CCSER1: variants seen among roughly 807,000 people sequenced by gnomAD.
The protein encoded by CCSER1 is coiled-coil serine rich protein 1.
Under a neutral mutation model 82.0 loss-of-function variants are expected in CCSER1, and 41 were observed. The ratio of observed to expected loss-of-function variants is 0.50; its 90% CI spans 0.39 to 0.65. CCSER1 has a LOEUF of 0.65. Ranked by LOEUF, CCSER1 falls within the 30% of genes least tolerant of loss-of-function variation. The pLI, the probability that CCSER1 is intolerant of heterozygous loss-of-function variation, is 0.00. For missense variants in CCSER1, 1,119 were observed against 1,064.2 expected, an observed-to-expected ratio of 1.05 and a Z score of -0.72; for synonymous variants, 414 against 383.9, an observed-to-expected ratio of 1.08 and a Z score of -0.92.
At chr4:90,486,603 C>T (rs1020369840) in intron 5 of CCSER1, among the ~76,000 whole-genome samples, 7 of 152,184 alleles carry the variant, frequency 4.6e-5, no homozygotes, top group Non-Finnish European at 1.0e-4. Context: ...CTCATTTCTA[C>T]TTTCTAGGTT....
chr4:90,552,217 C>T (rs1777603950), intron 5 of CCSER1, among the ~76,000 whole-genome samples: 1 of 152,092 alleles, frequency 6.6e-6, no homozygotes, highest in Non-Finnish European at 1.5e-5. Flanking sequence ...AATCATAGCA[C>T]CATTGTATCC....
chr4:90,253,642 CT>C (rs942906775), intron 1 of CCSER1, among the ~76,000 whole-genome samples: 1 of 152,080 alleles, frequency 6.6e-6, no homozygotes, highest in African/African-American at 2.4e-5. Flanking sequence ...TTGTTGTTCA[CT>C]TGTTTATCTG....
chr4:91,581,026 T>C (rs1005318392), intron 10 of CCSER1, among the ~76,000 whole-genome samples: 1 of 151,736 alleles, frequency 6.6e-6, no homozygotes, highest in Non-Finnish European at 1.5e-5. Context: ...TATGCTTCAC[T>C]ACCTAAAATT....
intron 3 of CCSER1, among the ~76,000 whole-genome samples, chr4:90,361,172 C>G (rs1324310077): frequency 6.6e-6 from 1 of 152,028 alleles, no homozygotes; most frequent in Non-Finnish European, 1.5e-5. Flanking sequence ...TAAACATATA[C>G]GATGGTTTCT....
chr4:90,795,287 C>G lies in CCSER1; in HGVS notation c.2011-20475C>G, dbSNP rs1309235834. Among the ~76,000 whole-genome samples, 18 of 127,610 alleles carry G rather than the reference C, an allele frequency of 1.4e-4. 1 individual carries two copies. In the South Asian group the frequency reaches 4.2e-3, roughly 30 times the overall value. The allele number at this position is 127,610 out of a possible 152,430, so 83.7% of individuals were successfully genotyped here. On this transcript the variant is annotated intron_variant, in intron 7 of 10. Transcript: ENST00000509176. ...GGGCAACAAGGGCAAAACTCTGTCTCAAAAAAAAAAAAAAAAAGGAAACAA... is the reference window on the plus strand; with the variant it reads ...GGGCAACAAGGGCAAAACTCTGTCTGAAAAAAAAAAAAAAAAAGGAAACAA...
At chr4:91,107,214 G>A (rs1226610982) in intron 10 of CCSER1, among the ~76,000 whole-genome samples, 2 of 152,012 alleles carry the variant, frequency 1.3e-5, no homozygotes, top group East Asian at 3.8e-4. Context: ...TGTGTAAGTC[G>A]AATCTTTGAT....
chr4:90,964,527 C>T (rs898615704), intron 9 of CCSER1, among the ~76,000 whole-genome samples: 3 of 151,558 alleles, frequency 2.0e-5, no homozygotes, highest in African/African-American at 7.3e-5. Context: ...AGATCGGGAC[C>T]ATCCTGACTA....
chr4:90,469,118 G>A (rs1338582461), intron 5 of CCSER1, among the ~76,000 whole-genome samples: 1 of 152,036 alleles, frequency 6.6e-6, no homozygotes, highest in Admixed American at 6.5e-5. Flanking sequence ...ATTTTGGGCT[G>A]ACCACCGTAG....
intron 8 of CCSER1, among the ~76,000 whole-genome samples, chr4:90,870,721 C>T (rs1211648900): frequency 6.6e-6 from 1 of 151,240 alleles, no homozygotes; most frequent in Admixed American, 6.6e-5. Context: ...GAAGTACTTC[C>T]TCCTCCTCTA....
At chr4:90,635,629 C>T (rs989664426) in intron 6 of CCSER1, among the ~76,000 whole-genome samples, 2 of 151,642 alleles carry the variant, frequency 1.3e-5, no homozygotes, top group Non-Finnish European at 3.0e-5. Context: ...TAATTCGTAA[C>T]CTTTAACTTT....
chr4:90,432,937 C>T (rs1392881735), intron 4 of CCSER1, among the ~76,000 whole-genome samples: 2 of 152,090 alleles, frequency 1.3e-5, no homozygotes, highest in Non-Finnish European at 2.9e-5. Context: ...CTCCCATCTC[C>T]ACGTTTGGTA....
intron 7 of CCSER1, among the ~76,000 whole-genome samples, chr4:90,740,822 T>C (rs1239817898): frequency 6.6e-6 from 1 of 152,182 alleles, no homozygotes; most frequent in Non-Finnish European, 1.5e-5. Flanking sequence ...AATGGCTTAT[T>C]TTACCATGCC....
At chr4:90,483,555 C>T (rs1463433212) in intron 5 of CCSER1, among the ~76,000 whole-genome samples, 7 of 152,220 alleles carry the variant, frequency 4.6e-5, no homozygotes, top group Admixed American at 3.9e-4. Flanking sequence ...GGAGGTCTTT[C>T]AGGGCAGGCC....
chr4:90,828,126 C>G (rs1466418584), intron 8 of CCSER1, among the ~76,000 whole-genome samples: 6 of 152,024 alleles, frequency 3.9e-5, no homozygotes, highest in Admixed American at 3.9e-4. Flanking sequence ...GTATTACTTT[C>G]GGAGGAGCTG....
intron 3 of CCSER1, among the ~76,000 whole-genome samples, chr4:90,381,312 C>A (rs1467943634): frequency 6.6e-6 from 1 of 152,118 alleles, no homozygotes; most frequent in African/African-American, 2.4e-5. Context: ...TTTTTAATTT[C>A]ATATTTATGC....
At chr4:91,331,131 A>C (rs931959862) in intron 10 of CCSER1, among the ~76,000 whole-genome samples, 3 of 152,088 alleles carry the variant, frequency 2.0e-5, no homozygotes, top group Non-Finnish European at 4.4e-5. Context: ...GATTCATAGA[A>C]TGTTGGAAAT....
At chr4:91,219,210 T>G (rs1200874452) in intron 10 of CCSER1, among the ~76,000 whole-genome samples, 1 of 152,138 alleles carries the variant, frequency 6.6e-6, no homozygotes, top group Non-Finnish European at 1.5e-5. Context: ...AATATAATTG[T>G]TATAAAAGCC....
chr4:91,555,649 C>A (rs1206288586), intron 10 of CCSER1, among the ~76,000 whole-genome samples: 4 of 150,942 alleles, frequency 2.7e-5, no homozygotes, highest in African/African-American at 9.7e-5. Flanking sequence ...ATATTTGGAA[C>A]AAGAACAAAC....
intron 9 of CCSER1, among the ~76,000 whole-genome samples, chr4:91,009,172 C>T (rs1738788612): frequency 6.6e-6 from 1 of 152,066 alleles, no homozygotes; most frequent in Admixed American, 6.6e-5. Context: ...AAGCTCAGCT[C>T]CAGCCTTAAC....
Sources: allele counts gnomAD v4.1 joint callset (sites outside exome capture counted in the v4.1 genomes callset), GRCh38; gene constraint gnomAD v4.1.1; transcripts MANE v1.5; gene names NCBI Gene and HGNC (gene_info 2026-07-23, HGNC 2026-07-21).